The following TNN variants were observed in gnomAD, a reference collection of about 807,000 sequenced individuals.
TNN encodes the protein tenascin N.
In TNN, 122 loss-of-function variants were observed where a neutral mutation model predicts 134.4. The observed-to-expected ratio is 0.91, with a 90% CI of 0.78 to 1.06. The LOEUF (loss-of-function observed/expected upper bound fraction) is 1.06, where lower values mean the gene tolerates loss of function less well. TNN is among the 50% of genes least tolerant of loss of function. TNN has a pLI of 0.00. For synonymous variants in TNN, 710 were observed against 670.3 expected (o/e 1.06, Z -0.91); for missense variants, 1,739 against 1,699.4 (o/e 1.02, Z -0.41).
At chr1:175,088,354 G>A (rs941723368) in intron 6 of TNN, among the ~76,000 whole-genome samples, 1 of 152,048 alleles carries the variant, frequency 6.6e-6, no homozygotes, top group African/African-American at 2.4e-5. Flanking sequence ...AGATTCCAAG[G>A]GTTTTAGGAG....
In TNN at chr1:175,147,017, G is replaced by A; in HGVS notation, c.3846G>A (p.Glu1282=). 4 of 1,606,368 alleles carry A rather than the reference G, an allele frequency of 2.5e-6. No homozygotes were observed. In the East Asian group the frequency reaches 6.7e-5, roughly 27 times the overall value. ...LKIRPHGYSR[E]PVLGRKKRTL... ...TCCGCCCTCATGGCTACAGCAGGGAGCCTGTCCTGGGCAGAAAGAAGCGGA... is the reference window on the plus strand; with the variant it reads ...TCCGCCCTCATGGCTACAGCAGGGAACCTGTCCTGGGCAGAAAGAAGCGGA... The change falls in exon 19 of 19, where the codon GAG becomes GAA. Residue 1282 remains glutamate (E), a synonymous_variant. Transcript: ENST00000239462.
intron 15 of TNN, among the ~76,000 whole-genome samples, chr1:175,129,292 T>A (rs1026244913): frequency 6.6e-6 from 1 of 152,192 alleles, no homozygotes; most frequent in Non-Finnish European, 1.5e-5. Context: ...GTCTGTTTAG[T>A]AAACACTGTC....
chr1:175,079,974 G>GTT (rs57058906), intron 3 of TNN, among the ~76,000 whole-genome samples, 189 bp from the exon 4 acceptor site: 1 of 151,824 alleles, frequency 6.6e-6, no homozygotes, highest in Non-Finnish European at 1.5e-5. Context: ...GTGAGTGTGT[G>GTT]TGTGTGTGTG....
chr1:175,146,931 G>C lies in TNN; in HGVS notation c.3760G>C (p.Gly1254Arg). 1.3e-6 allele frequency: 2 copies of C among 1,508,082 alleles called. No individual in the cohort carries two copies. The highest frequency in any genetic ancestry group is 1.8e-6 in the Non-Finnish European group (2 of 1,126,774). 93.4% of individuals were successfully genotyped at this position (1,508,082 alleles called of 1,614,324 possible). The change falls in exon 19 of 19, where the codon GGG becomes CGG. Residue 1254 changes from glycine (G) to arginine (R), a missense_variant and splice_region_variant. Transcript: ENST00000239462. Reference sequence around the variant, plus strand: ...GTGGCTTTTTTTTTTTTTTTGGTAGGGGGTGAACTGGGAGCCTTGGAAAGG... The same window carrying C: ...GTGGCTTTTTTTTTTTTTTTGGTAGCGGGTGAACTGGGAGCCTTGGAAAGG... ...GRYGETKHSEGVNWEPWKGHE... is the reference protein window; with the variant it reads ...GRYGETKHSERVNWEPWKGHE...
chr1:175,089,597 T>C (rs1037499126), intron 6 of TNN, among the ~76,000 whole-genome samples: 7 of 152,262 alleles, frequency 4.6e-5, no homozygotes, highest in Non-Finnish European at 1.5e-5. Flanking sequence ...CCTCTATCTA[T>C]AAAATGAAGA....
intron 9 of TNN, among the ~76,000 whole-genome samples, chr1:175,116,356 C>T (rs1373314432): frequency 1.3e-5 from 2 of 152,128 alleles, no homozygotes; most frequent in African/African-American, 2.4e-5. Context: ...CCCTTTGCTA[C>T]ATATCATTTT....
chr1:175,118,081 G>C, intron 10 of TNN, among the ~76,000 whole-genome samples: 1 of 152,188 alleles, frequency 6.6e-6, no homozygotes, highest in East Asian at 1.9e-4. Flanking sequence ...GAACACAGGA[G>C]AATAGGATGC....
chr1:175,139,241 T>G (rs1055545800), intron 17 of TNN, among the ~76,000 whole-genome samples: 1 of 152,272 alleles, frequency 6.6e-6, no homozygotes, highest in African/African-American at 2.4e-5. Flanking sequence ...TTTATAAACT[T>G]TAACATCTTT....
At position 175,109,721 on chromosome 1, in the gene TNN, C is replaced by CAT. The variant is rs535600393; in HGVS notation, c.2120-7207_2120-7206dup. Among the ~76,000 whole-genome samples, 622 of 148,904 alleles carry CAT rather than the reference C, an allele frequency of 4.2e-3. 3 individuals are homozygous for CAT. Among genetic ancestry groups the CAT allele is most frequent in the Middle Eastern group, 0.014 (4 of 280 alleles). On this transcript the variant is annotated intron_variant, in intron 9 of 18. Transcript: ENST00000239462. ...TATGTATTATATATATACACACATACATATATATATATCAAAATTTCCTTA... is the reference window on the plus strand; with the variant it reads ...TATGTATTATATATATACACACATACATATATATATATATCAAAATTTCCTTA...
chr1:175,117,039 GC>G lies in TNN; in HGVS notation c.2221del (p.Arg741AlafsTer24), dbSNP rs767002801. 3 of 1,614,100 alleles carry G rather than the reference GC, an allele frequency of 1.9e-6. No homozygotes were observed. The highest frequency in any genetic ancestry group is 2.7e-5 in the African/African-American group (2 of 74,928). On this transcript the variant is annotated frameshift_variant, in exon 10 of 19. Transcript: ENST00000239462. LOFTEE classifies it high-confidence loss of function. The stretch of plus-strand genomic sequence containing the variant: ...GGGCCACCATTGACAGGTATGTGGT[GC>G]GCTACACCTCTGCCAAGGACGGAGA... ...VRATIDRYVV[R>X]YTSAKDGETR...
At position 175,121,301 on chromosome 1, in the gene TNN, C is replaced by T. The variant is rs6691395; in HGVS notation, c.2651-2099C>T. 5.3e-5 allele frequency among the ~76,000 whole-genome samples: 8 copies of T among 152,248 alleles called. No homozygotes were observed. In the East Asian group the frequency reaches 1.5e-3, roughly 29 times the overall value. On this transcript the variant is annotated intron_variant, in intron 11 of 18. Transcript: ENST00000239462. ...GCAAAAACTAGCCATTTCTGGCAAACGGAAGAGTATGTGTGATGTCCCCCA... is the reference window on the plus strand; with the variant it reads ...GCAAAAACTAGCCATTTCTGGCAAATGGAAGAGTATGTGTGATGTCCCCCA...
intron 15 of TNN, among the ~76,000 whole-genome samples, chr1:175,133,368 A>G (rs971790664): frequency 2.7e-4 from 41 of 152,208 alleles, no homozygotes; most frequent in Non-Finnish European, 5.0e-4. Flanking sequence ...GGCCCGTTCC[A>G]GTTTGGCTTC....
rs368577528 is a variant in TNN at position 175,123,381 on chromosome 1, T to C, written c.2651-19T>C. The C allele has an allele frequency of 4.0e-5, 65 of 1,612,870 alleles. No homozygotes were observed. Among genetic ancestry groups the C allele is most frequent in the Non-Finnish European group, 5.3e-5 (62 of 1,179,682 alleles). The stretch of plus-strand genomic sequence containing the variant: ...TCCTTTGTTCTAAAGTTCAGCCTTT[T>C]CTAAATCTTTTTAAAAAGAAATTGA... On this transcript the variant is annotated intron_variant, in intron 11 of 18. Transcript: ENST00000239462.
Position 175,094,192 on chromosome 1 carries a change from C to T in TNN, c.1527C>T (p.Val509=). ...TGAAGCCAGGAGAGGCATACAAGGT[C>T]TACGTGTGGGCTGAAAGGGGCAACC... The part of the protein sequence containing the change: ...TGLKPGEAYK[V]YVWAERGNQG... Residue 509 remains valine (V), a synonymous_variant, in exon 7 of 19, where the codon GTC becomes GTT. Coordinates refer to ENST00000239462, the MANE Select transcript of TNN (RefSeq NM_022093.2). The T allele has an allele frequency of 6.2e-7, 1 of 1,613,854 alleles. No homozygotes were observed. Among genetic ancestry groups the T allele is most frequent in the Non-Finnish European group, 8.5e-7 (1 of 1,179,816 alleles).
At chr1:175,116,331 T>C (rs889754395) in intron 9 of TNN, among the ~76,000 whole-genome samples, 1 of 152,206 alleles carries the variant, frequency 6.6e-6, no homozygotes, top group African/African-American at 2.4e-5. Flanking sequence ...TGTAATACTT[T>C]AACATTTTCA....
intron 7 of TNN, among the ~76,000 whole-genome samples, chr1:175,095,523 T>C (rs1463433866): frequency 1.3e-5 from 2 of 152,208 alleles, no homozygotes; most frequent in Non-Finnish European, 2.9e-5. Flanking sequence ...TTACTAGGAT[T>C]TTGAGTGTCG....
chr1:175,144,781 C>T lies in TNN; in HGVS notation c.3759+231C>T, dbSNP rs952569603. 3.9e-5 allele frequency among the ~76,000 whole-genome samples: 6 copies of T among 152,214 alleles called. No homozygotes were observed. The South Asian group carries it at 8.3e-4, about 21-fold the overall frequency. ...CTGCACACTTGCCTAGGGGAAGGTG[C>T]GGGAAAAGCTTGGGCTGCCCACTGC... On this transcript the variant is annotated intron_variant, in intron 18 of 18. Transcript: ENST00000239462.
chr1:175,084,391 A>C (rs1256421150), intron 5 of TNN, among the ~76,000 whole-genome samples: 8 of 152,106 alleles, frequency 5.3e-5, no homozygotes, highest in Admixed American at 2.6e-4. Flanking sequence ...GGCAGGGTGC[A>C]GTGAGCAGGG....
At chr1:175,119,504 G>A (rs1314539379) in intron 11 of TNN, among the ~76,000 whole-genome samples, 1 of 152,142 alleles carries the variant, frequency 6.6e-6, no homozygotes, top group East Asian at 1.9e-4. Context: ...TAACCATCTG[G>A]GAATGCAGCC....
Sources: allele counts gnomAD v4.1 joint callset (sites outside exome capture counted in the v4.1 genomes callset), GRCh38; gene constraint gnomAD v4.1.1; transcripts MANE v1.5; gene names NCBI Gene and HGNC (gene_info 2026-07-23, HGNC 2026-07-21).